Variants in CPT1A observed in about 807,000 individuals in gnomAD.
CPT1A encodes the protein carnitine O-palmitoyltransferase 1, liver isoform.
In CPT1A, 64 loss-of-function variants were observed where a neutral mutation model predicts 100.8. That is an observed-to-expected ratio of 0.63 (90% CI 0.52 to 0.78). CPT1A has a LOEUF of 0.78. Among genes scored for constraint, CPT1A ranks in the 30% least tolerant of loss-of-function variants. The probability of loss-of-function intolerance (pLI) is 0.00; values close to 1 mark genes in which losing one functional copy is unlikely to be tolerated. For synonymous variants in CPT1A, 363 were observed against 396.0 expected, an observed-to-expected ratio of 0.92 and a Z score of 0.99; for missense variants, 802 against 1,034.1, an observed-to-expected ratio of 0.78 and a Z score of 3.08.
At position 68,757,744 on chromosome 11, in the gene CPT1A, A is replaced by C. The variant is rs781040808; in HGVS notation, c.2236-14T>G. On this transcript the variant is annotated splice_polypyrimidine_tract_variant and intron_variant, in intron 18 of 18. Transcript: ENST00000265641. ...GCGATGAGAATCCTTTCATGTAAAA[A>C]CAAAAACCAAAAACCTATTAAAACG... is the stretch of plus-strand genomic sequence containing the variant. 2 of 1,612,802 alleles carry C rather than the reference A, an allele frequency of 1.2e-6. No homozygotes were observed. Among genetic ancestry groups the C allele is most frequent in the Non-Finnish European group, 1.7e-6 (2 of 1,179,262 alleles).
At chr11:68,778,462 C>T (rs1438166794) in intron 12 of CPT1A, among the ~76,000 whole-genome samples, 1 of 152,080 alleles carries the variant, frequency 6.6e-6, no homozygotes, top group Admixed American at 6.5e-5. Flanking sequence ...CAAGGCCAGG[C>T]GTGGTGGCTC....
chr11:68,759,134 C>T lies in CPT1A; in HGVS notation c.2235+435G>A, dbSNP rs376624997. On this transcript the variant is annotated intron_variant, in intron 18 of 18. Transcript: ENST00000265641. ...TTAGGCCAGGCGCGGTGGCTCATGC[C>T]TGTAATCTCAGCACTTTGGGAGGTC... Among the ~76,000 whole-genome samples, 132 of 151,996 alleles carry T rather than the reference C, an allele frequency of 8.7e-4. 3 individuals carry two copies. In the South Asian group the frequency reaches 0.026, roughly 30 times the overall value.
chr11:68,842,301 C>G (rs1857178936), upstream of CPT1A, among the ~76,000 whole-genome samples: 2 of 152,128 alleles, frequency 1.3e-5, no homozygotes, highest in Admixed American at 6.5e-5. Context: ...TAAGTTACCC[C>G]ACATCACCGA....
At chr11:68,795,739 G>A (rs1003701744) in intron 7 of CPT1A, among the ~76,000 whole-genome samples, 4 of 152,048 alleles carry the variant, frequency 2.6e-5, no homozygotes, top group South Asian at 4.2e-4. Flanking sequence ...GTGAAACCCC[G>A]TTTCTACTAA....
chr11:68,794,948 G>A, intron 7 of CPT1A, 37 bp from the exon 8 acceptor site: 2 of 1,509,254 alleles, frequency 1.3e-6, no homozygotes, highest in Non-Finnish European at 1.8e-6. Flanking sequence ...TTTGCATAGG[G>A]AAAGATAAGC....
intron 1 of CPT1A, among the ~76,000 whole-genome samples, chr11:68,839,039 A>T (rs937969529): frequency 3.9e-5 from 6 of 152,156 alleles, no homozygotes; most frequent in African/African-American, 1.2e-4. Flanking sequence ...CTTTAAACAA[A>T]CAATCTCGAA....
chr11:68,759,409 T>A (rs1375995773), intron 18 of CPT1A, among the ~76,000 whole-genome samples, 160 bp downstream of exon 18: 12 of 149,864 alleles, frequency 8.0e-5, no homozygotes, highest in African/African-American at 2.2e-4. Context: ...AAAAAAAAAA[T>A]TTTTTTTTAA....
chr11:68,773,277 C>T lies in CPT1A; in HGVS notation c.1728G>A (p.Leu576=), dbSNP rs751342542. The change falls in exon 14 of 19, where the codon CTG becomes CTA. Residue 576 remains leucine (L), a synonymous_variant. Transcript: ENST00000265641. ...PDAFVQLALQ[L]AHYKDMGKFC... ...GGTCAGTTCTTACCTTGTAGTGCGC[C>T]AGCTGGAGGGCCAGCTGCACAAAGG... 2.5e-6 allele frequency: 4 copies of T among 1,614,110 alleles called. No homozygotes were observed. In the Admixed American group the frequency reaches 5.0e-5, roughly 20 times the overall value.
chr11:68,765,782 T>A (rs918189290), intron 14 of CPT1A, among the ~76,000 whole-genome samples: 2 of 151,842 alleles, frequency 1.3e-5, no homozygotes, highest in Admixed American at 1.3e-4. Context: ...GAGACAGGGA[T>A]GAACAAAAAA....
intron 1 of CPT1A, among the ~76,000 whole-genome samples, chr11:68,836,793 T>G (rs558730493): frequency 8.4e-4 from 78 of 92,884 alleles, no homozygotes; most frequent in African/African-American, 2.4e-3. Context: ...GAAAAGAAAA[T>G]AAGAAAAGAA....
chr11:68,783,490 C>T (rs931721952), intron 10 of CPT1A, among the ~76,000 whole-genome samples: 2 of 152,204 alleles, frequency 1.3e-5, no homozygotes, highest in African/African-American at 4.8e-5. Context: ...CTCTGCAAGA[C>T]ACAGCCCACC....
intron 1 of CPT1A, among the ~76,000 whole-genome samples, chr11:68,824,194 G>A (rs1286143039): frequency 6.7e-6 from 1 of 149,830 alleles, no homozygotes; most frequent in African/African-American, 2.5e-5. Context: ...GTTGCAGTGA[G>A]CTGAGATCGG....
intron 3 of CPT1A, among the ~76,000 whole-genome samples, chr11:68,811,869 C>G (rs1246806900): frequency 6.7e-6 from 1 of 148,402 alleles, no homozygotes; most frequent in African/African-American, 2.6e-5. Flanking sequence ...CTGAATGTTA[C>G]CTAAGGTGTC....
intron 16 of CPT1A, among the ~76,000 whole-genome samples, chr11:68,761,086 T>A (rs1946800220): frequency 6.7e-6 from 1 of 149,636 alleles, no homozygotes; most frequent in Non-Finnish European, 1.5e-5. Flanking sequence ...GGCACAGTGG[T>A]GCACATCAGC....
At chr11:68,796,187 A>G (rs1279721274) in intron 7 of CPT1A, among the ~76,000 whole-genome samples, 1 of 152,110 alleles carries the variant, frequency 6.6e-6, no homozygotes, top group Non-Finnish European at 1.5e-5. Flanking sequence ...TGGCCAACCC[A>G]CTGTCCCTGA....
Position 68,782,818 on chromosome 11 carries a change from C to T in CPT1A, c.1164-859G>A, listed in dbSNP as rs547880697. Among the ~76,000 whole-genome samples the T allele has an allele frequency of 1.3e-4, 20 of 152,318 alleles. No homozygotes were observed. In the South Asian group the frequency reaches 3.1e-3, roughly 24 times the overall value. Reference sequence around the variant, plus strand: ...ACGCTAGGCCTCAGTGCACCCCGCTCGGGGAACAAAGGTGACGCTGACGGT... The same window carrying T: ...ACGCTAGGCCTCAGTGCACCCCGCTTGGGGAACAAAGGTGACGCTGACGGT... On this transcript the variant is annotated intron_variant, in intron 10 of 18. Transcript: ENST00000265641.
At chr11:68,774,051 G>GT (rs1855074589) in intron 13 of CPT1A, among the ~76,000 whole-genome samples, 1 of 152,230 alleles carries the variant, frequency 6.6e-6, no homozygotes, top group African/African-American at 2.4e-5. Context: ...ATTGGGAGAA[G>GT]TAACACAAGA....
At chr11:68,789,649 G>A (rs899464358) in intron 9 of CPT1A, among the ~76,000 whole-genome samples, 4 of 152,000 alleles carry the variant, frequency 2.6e-5, no homozygotes, top group African/African-American at 7.2e-5. Flanking sequence ...TGATCCACCC[G>A]CCTCGGCCTC....
chr11:68,808,343 A>G (rs767057010), intron 3 of CPT1A, among the ~76,000 whole-genome samples: 25 of 151,934 alleles, frequency 1.6e-4, no homozygotes, highest in Non-Finnish European at 3.4e-4. Context: ...TATGGTAAAG[A>G]TGGGACTTTA....
Sources: allele counts gnomAD v4.1 joint callset (sites outside exome capture counted in the v4.1 genomes callset), GRCh38; gene constraint gnomAD v4.1.1; transcripts MANE v1.5; gene names NCBI Gene and HGNC (gene_info 2026-07-23, HGNC 2026-07-21).